WASF1: variants seen among roughly 807,000 people sequenced by gnomAD.
WASF1 encodes the protein actin-binding protein WASF1.
In WASF1, 7 loss-of-function variants were observed where a neutral mutation model predicts 50.5. The ratio of observed to expected loss-of-function variants is 0.14; its 90% confidence interval spans 0.08 to 0.26. WASF1 has a LOEUF of 0.26. Among genes scored for constraint, WASF1 ranks in the 10% least tolerant of loss-of-function variants. WASF1 has a pLI of 1.00. For missense variants in WASF1, 470 were observed against 694.7 expected (o/e 0.68, Z 3.64); for synonymous variants, 205 against 244.0 (o/e 0.84, Z 1.49).
At chr6:110,139,952 A>G (rs541501878) in intron 3 of WASF1, among the ~76,000 whole-genome samples, 1 of 152,342 alleles carries the variant, frequency 6.6e-6, no homozygotes, top group African/African-American at 2.4e-5. Flanking sequence ...TGTACTTGTA[A>G]TATTATGAAA....
intron 3 of WASF1, among the ~76,000 whole-genome samples, chr6:110,149,311 G>C (rs1462493): frequency 0.28 from 42,309 of 151,330 alleles, 8,527 homozygotes; most frequent in African/African-American, 0.57. Flanking sequence ...TGCTTTGTTC[G>C]CCTACATCGT....
intron 4 of WASF1, among the ~76,000 whole-genome samples, chr6:110,124,242 CT>C (rs1212666157): frequency 2.8e-5 from 1 of 35,140 alleles, no homozygotes; most frequent in Non-Finnish European, 4.9e-5. Flanking sequence ...TCTCCTCTCT[CT>C]CTCTCTCTCT....
chr6:110,172,974 C>T (rs6903849), intron 2 of WASF1, among the ~76,000 whole-genome samples: 2,943 of 152,240 alleles, frequency 0.019, 94 homozygotes, highest in African/African-American at 0.068. Flanking sequence ...ATATAAAATG[C>T]TTCACTGTTC....
intron 3 of WASF1, among the ~76,000 whole-genome samples, chr6:110,143,717 T>G (rs1775381686): frequency 6.6e-6 from 1 of 152,174 alleles, no homozygotes; most frequent in African/African-American, 2.4e-5. Flanking sequence ...TTAAAAGTAT[T>G]TTATTACCTA....
chr6:110,167,145 T>C (rs1156855290), intron 2 of WASF1, among the ~76,000 whole-genome samples: 1 of 146,092 alleles, frequency 6.8e-6, no homozygotes, highest in African/African-American at 2.7e-5. Context: ...CTCACATATT[T>C]GTGGTGATAC....
chr6:110,138,753 TG>T (rs945592046), intron 3 of WASF1, among the ~76,000 whole-genome samples: 16 of 152,186 alleles, frequency 1.1e-4, no homozygotes, highest in African/African-American at 3.9e-4. Flanking sequence ...GAAGTTTTTA[TG>T]GGCTCAGAAG....
At chr6:110,124,803 T>G (rs12665858) in intron 4 of WASF1, among the ~76,000 whole-genome samples, 35,377 of 152,056 alleles carry the variant, frequency 0.23, 6,258 homozygotes, top group African/African-American at 0.5. Flanking sequence ...CCAGCGGCTT[T>G]GGTGGCTGAG....
intron 3 of WASF1, among the ~76,000 whole-genome samples, chr6:110,130,337 TCTTG>T (rs1340335555): frequency 1.3e-5 from 2 of 152,198 alleles, no homozygotes; most frequent in Non-Finnish European, 2.9e-5. Context: ...CTCTTCCCAT[TCTTG>T]CTTACCTCCC....
chr6:110,133,985 CTT>C (rs1287317648), intron 3 of WASF1, among the ~76,000 whole-genome samples: 3 of 152,040 alleles, frequency 2.0e-5, no homozygotes, highest in Admixed American at 6.6e-5. Context: ...AGAATTTTGT[CTT>C]GTTTTTATTT....
chr6:110,174,260 T>C (rs1484525987), intron 2 of WASF1, among the ~76,000 whole-genome samples: 1 of 152,160 alleles, frequency 6.6e-6, no homozygotes, highest in Non-Finnish European at 1.5e-5. Context: ...TTCCCTCTTC[T>C]TTTCCTTTAC....
intron 3 of WASF1, among the ~76,000 whole-genome samples, chr6:110,128,181 T>C (rs1774498555): frequency 6.6e-6 from 1 of 152,174 alleles, no homozygotes; most frequent in Admixed American, 6.5e-5. Context: ...ACTAAAATAA[T>C]CAAAATTGAT....
At chr6:110,129,953 TAC>T (rs1005053812) in intron 3 of WASF1, among the ~76,000 whole-genome samples, 6 of 152,242 alleles carry the variant, frequency 3.9e-5, no homozygotes, top group Non-Finnish European at 7.3e-5. Flanking sequence ...TGTCATTTTT[TAC>T]AGTCCTGCAC....
intron 3 of WASF1, among the ~76,000 whole-genome samples, chr6:110,153,183 G>A (rs1386804420): frequency 2.0e-5 from 3 of 152,170 alleles, no homozygotes; most frequent in Non-Finnish European, 2.9e-5. Flanking sequence ...ATACTTAGCA[G>A]TGGAACGGTT....
In WASF1 at chr6:110,113,335, C is replaced by T; in HGVS notation, c.259G>A (p.Glu87Lys). 6.4e-7 allele frequency: 1 copy of T among 1,563,026 alleles called. No individual in the cohort carries two copies. The highest frequency in any genetic ancestry group is 8.6e-7 in the Non-Finnish European group (1 of 1,158,612). ...ATATTAATAAGCTTACATTCTTCTT[C>T]CTTTGGATCAAGCTGTGTAACACTA... ...SVSVTQLDPK[E>K]EELSLQDITM... is the part of the protein sequence containing the mutation. Residue 87 changes from glutamate to lysine, a missense_variant, in exon 5 of 11, where the codon GAA becomes AAA. By Grantham distance (56) the Glu-to-Lys change is moderately conservative. Around this residue, in one of 3 missense-constraint regions of WASF1, gnomAD observed 140 missense variants for 260.5 expected, o/e 0.54. Transcript: ENST00000392589.
intron 2 of WASF1, among the ~76,000 whole-genome samples, chr6:110,175,251 C>T (rs1199748820): frequency 3.9e-5 from 6 of 152,010 alleles, no homozygotes; most frequent in Admixed American, 3.9e-4. Flanking sequence ...AAAATCTACC[C>T]TGACTTTACC....
intron 2 of WASF1, among the ~76,000 whole-genome samples, chr6:110,175,837 AG>A (rs1236521693): frequency 6.6e-6 from 1 of 152,182 alleles, no homozygotes; most frequent in East Asian, 1.9e-4. Flanking sequence ...CTAGCATTTC[AG>A]GGTACATCTG....
chr6:110,141,996 G>A (rs896189715), intron 3 of WASF1, among the ~76,000 whole-genome samples: 7 of 152,162 alleles, frequency 4.6e-5, no homozygotes, highest in African/African-American at 1.4e-4. Context: ...TCGAACTCCC[G>A]ACCTCGTGAT....
At chr6:110,162,111 A>G (rs1264750835) in intron 2 of WASF1, among the ~76,000 whole-genome samples, 1 of 151,530 alleles carries the variant, frequency 6.6e-6, no homozygotes, top group Non-Finnish European at 1.5e-5. Flanking sequence ...AATACATTCA[A>G]TGTACTTTTC....
At chr6:110,142,371 G>A (rs529817268) in intron 3 of WASF1, among the ~76,000 whole-genome samples, 20 of 152,242 alleles carry the variant, frequency 1.3e-4, no homozygotes, top group African/African-American at 4.1e-4. Flanking sequence ...GCTTTTTAGA[G>A]AGAAAACCTT....
Sources: gnomAD v4.1 joint callset for allele counts (sites outside exome capture counted in the v4.1 genomes callset) on GRCh38, gnomAD v4.1.1 for gene constraint, gnomAD v4.1.1 regional missense constraint, MANE v1.5 for transcripts, NCBI Gene and HGNC (gene_info 2026-07-23, HGNC 2026-07-21) for gene names.